RCAN1: variants seen among roughly 807,000 people sequenced by gnomAD.
The protein encoded by RCAN1 is regulator of calcineurin 1, also known as calcipressin-1.
In RCAN1, 11 loss-of-function variants were observed where a neutral mutation model predicts 22.9. The observed-to-expected ratio is 0.48, with a 90% confidence interval of 0.30 to 0.79. The LOEUF (loss-of-function observed/expected upper bound fraction) is 0.79, where lower values mean the gene tolerates loss of function less well. Among genes scored for constraint, RCAN1 ranks in the 30% least tolerant of loss-of-function variants. The pLI is 0.06. For synonymous variants in RCAN1, 136 were observed against 142.3 expected (o/e 0.96, Z 0.32); for missense variants, 291 against 337.8 (o/e 0.86, Z 1.09).
At chr21:34,596,679 G>A (rs892257141) in intron 1 of RCAN1, among the ~76,000 whole-genome samples, 4 of 152,186 alleles carry the variant, frequency 2.6e-5, no homozygotes, top group African/African-American at 7.2e-5. Flanking sequence ...CATTCGAACC[G>A]GGATGGGCAT....
intron 1 of RCAN1, among the ~76,000 whole-genome samples, chr21:34,545,577 C>T (rs1209595521): frequency 6.6e-6 from 1 of 152,148 alleles, no homozygotes; most frequent in Non-Finnish European, 1.5e-5. Context: ...GCACAAAGAT[C>T]CTTTGTGTTC....
intron 1 of RCAN1, among the ~76,000 whole-genome samples, chr21:34,599,397 C>T (rs1988262561): frequency 6.6e-6 from 1 of 152,074 alleles, no homozygotes; most frequent in African/African-American, 2.4e-5. Context: ...TCATTTGAAC[C>T]CGGGAGGTGG....
intron 1 of RCAN1, among the ~76,000 whole-genome samples, chr21:34,609,980 T>C (rs116265675): frequency 0.014 from 2,188 of 152,270 alleles, 43 homozygotes; most frequent in African/African-American, 0.05. Flanking sequence ...ATAAGATCAT[T>C]TAAGGGGAAA....
chr21:34,517,806 T>C lies in RCAN1; in HGVS notation c.*278A>G, dbSNP rs1190301307. 7 of 451,468 alleles carry C rather than the reference T, an allele frequency of 1.6e-5. No homozygotes were observed. The South Asian group carries it at 1.7e-4, about 11-fold the overall frequency. The allele number at this position is 451,468 out of a possible 1,614,324, so 28.0% of individuals were successfully genotyped here. A position where few individuals can be genotyped will look rare whatever the true frequency, so the allele number is the denominator to read the frequency against. On this transcript the variant is annotated 3_prime_UTR_variant, in exon 4 of 4. Transcript: ENST00000313806. Reference sequence around the variant, plus strand: ...AGAAAAGAACAAGTACAAAACACTATCATTATCTGTTTTCTCAAGACAGTC... The same window carrying C: ...AGAAAAGAACAAGTACAAAACACTACCATTATCTGTTTTCTCAAGACAGTC...
intron 3 of RCAN1, 42 bp downstream of exon 3, chr21:34,521,457 G>C (rs776628545): frequency 1.2e-6 from 2 of 1,613,370 alleles, no homozygotes; most frequent in Non-Finnish European, 1.7e-6. Context: ...GGCAGCAGCT[G>C]TGTCTCCCCC....
intron 3 of RCAN1, among the ~76,000 whole-genome samples, chr21:34,519,729 C>T (rs35841162): frequency 0.37 from 55,556 of 151,816 alleles, 10,497 homozygotes; most frequent in East Asian, 0.62. Flanking sequence ...TTCGGGTAAG[C>T]GAGGAGGCAC....
At chr21:34,590,724 T>C (rs746000174) in intron 1 of RCAN1, among the ~76,000 whole-genome samples, 1 of 152,228 alleles carries the variant, frequency 6.6e-6, no homozygotes, top group Non-Finnish European at 1.5e-5. Flanking sequence ...TGTCAGATCC[T>C]TGATGGCCCC....
At chr21:34,554,711 T>A (rs1442354477) in intron 1 of RCAN1, among the ~76,000 whole-genome samples, 1 of 152,218 alleles carries the variant, frequency 6.6e-6, no homozygotes, top group Non-Finnish European at 1.5e-5. Flanking sequence ...TCCGTTTTCA[T>A]GATGTTGATA....
intron 1 of RCAN1, among the ~76,000 whole-genome samples, chr21:34,530,797 G>GT (rs1211505220): frequency 4.0e-5 from 6 of 151,854 alleles, no homozygotes; most frequent in African/African-American, 1.5e-4. Flanking sequence ...GCTAATTTTT[G>GT]TATTTTTAGT....
At chr21:34,607,214 G>T (rs1988553683) in intron 1 of RCAN1, among the ~76,000 whole-genome samples, 1 of 152,146 alleles carries the variant, frequency 6.6e-6, no homozygotes, top group Non-Finnish European at 1.5e-5. Flanking sequence ...TTGATACTCA[G>T]AAACTTAGTA....
At chr21:34,542,200 C>G (rs1457240709) in intron 1 of RCAN1, among the ~76,000 whole-genome samples, 2 of 152,182 alleles carry the variant, frequency 1.3e-5, no homozygotes, top group Non-Finnish European at 2.9e-5. Context: ...CTGTCTCCTA[C>G]TCCACATGCT....
chr21:34,582,000 C>T (rs535199977), intron 1 of RCAN1, among the ~76,000 whole-genome samples: 1 of 152,224 alleles, frequency 6.6e-6, no homozygotes, highest in South Asian at 2.1e-4. Flanking sequence ...AGCTTCTCAA[C>T]TCATCATCCA....
chr21:34,519,665 G>C (rs1449182188), intron 3 of RCAN1, among the ~76,000 whole-genome samples: 2 of 151,984 alleles, frequency 1.3e-5, no homozygotes, highest in East Asian at 3.9e-4. Context: ...CCAAAGTGCT[G>C]GGATTACAGG....
Position 34,518,400 on chromosome 21 carries a change from G to T in RCAN1, c.587-144C>A, listed in dbSNP as rs781011486. 46 of 847,004 alleles carry T rather than the reference G, an allele frequency of 5.4e-5. No individual in the cohort carries two copies. Among genetic ancestry groups the T allele is most frequent in the Non-Finnish European group, 8.2e-5 (46 of 562,554 alleles). The allele number at this position is 847,004 out of a possible 1,614,324, so 52.5% of individuals were successfully genotyped here. A position where few individuals can be genotyped will look rare whatever the true frequency, so the allele number is the denominator to read the frequency against. On this transcript the variant is annotated intron_variant, in intron 3 of 3. Transcript: ENST00000313806. The surrounding 1 kb of genome is among the most constrained non-coding windows in gnomAD (Gnocchi z 4.2). ...GAGAGACACAGCCAGACATATTTTG[G>T]GTTTGTATTTCTTTGCTAGCTCATT... is the stretch of plus-strand genomic sequence containing the variant.
intron 1 of RCAN1, among the ~76,000 whole-genome samples, chr21:34,582,324 G>A (rs762929216): frequency 1.3e-5 from 2 of 152,156 alleles, no homozygotes; most frequent in Non-Finnish European, 2.9e-5. Context: ...ATACCCTGAT[G>A]TTGGGGAGTG....
intron 1 of RCAN1, among the ~76,000 whole-genome samples, chr21:34,605,760 A>G (rs1988503895): frequency 6.6e-6 from 1 of 151,788 alleles, no homozygotes; most frequent in Non-Finnish European, 1.5e-5. Context: ...TCTCTACTAA[A>G]AATACAAAAA....
At chr21:34,536,324 C>T (rs1985669385) in intron 1 of RCAN1, among the ~76,000 whole-genome samples, 1 of 152,202 alleles carries the variant, frequency 6.6e-6, no homozygotes, top group African/African-American at 2.4e-5. Context: ...TAATTACTGA[C>T]TTTAATTTCT....
At chr21:34,608,396 G>A (rs551993793) in intron 1 of RCAN1, among the ~76,000 whole-genome samples, 86 of 152,258 alleles carry the variant, frequency 5.6e-4, no homozygotes, top group African/African-American at 1.9e-3. Context: ...AGAATACAGC[G>A]AAAGTGATGG....
At chr21:34,606,423 G>T (rs1988528597) in intron 1 of RCAN1, among the ~76,000 whole-genome samples, 2 of 152,130 alleles carry the variant, frequency 1.3e-5, no homozygotes, top group African/African-American at 4.8e-5. Context: ...CTGTGACACT[G>T]ACCCCGGCTA....
Sources: gnomAD v4.1 joint callset for allele counts (sites outside exome capture counted in the v4.1 genomes callset) on GRCh38, gnomAD v4.1.1 for gene constraint, Gnocchi (gnomAD v3.1) non-coding constraint, MANE v1.5 for transcripts, NCBI Gene and HGNC (gene_info 2026-07-23, HGNC 2026-07-21) for gene names.